Variants in CSMD2 observed in about 807,000 individuals in gnomAD.
CSMD2 encodes CUB and Sushi multiple domains 2, also known as CUB and sushi domain-containing protein 2.
In CSMD2, 130 loss-of-function variants were observed where a neutral mutation model predicts 398.5. That is an observed-to-expected ratio of 0.33 (90% CI 0.28 to 0.38). The LOEUF (loss-of-function observed/expected upper bound fraction) is 0.38, where lower values mean the gene tolerates loss of function less well. Among genes scored for constraint, CSMD2 ranks in the 10% least tolerant of loss-of-function variants. The pLI is 1.00. For synonymous variants in CSMD2, 1,828 were observed against 1,908.5 expected (o/e 0.96, Z 1.10); for missense variants, 3,829 against 4,764.9 (o/e 0.80, Z 5.78).
intron 41 of CSMD2, chr1:33,605,928 T>C (rs200558687): frequency 2.3e-5 from 37 of 1,613,808 alleles, no homozygotes; most frequent in East Asian, 8.9e-5. Flanking sequence ...GTTGGTTCTT[T>C]CCAACTCCGA....
At chr1:33,878,387 C>G (rs993829548) in intron 5 of CSMD2, 1 of 152,298 alleles carries the variant, frequency 6.6e-6, no homozygotes, top group African/African-American at 2.4e-5. Flanking sequence ...ATTCCAGACA[C>G]CCCCGCTGCT....
intron 3 of CSMD2, among the ~76,000 whole-genome samples, chr1:33,983,237 C>T (rs944995398): frequency 8.5e-5 from 13 of 152,116 alleles, no homozygotes; most frequent in African/African-American, 2.7e-4. Context: ...AAAAAATATC[C>T]GATGATTATT....
intron 32 of CSMD2, among the ~76,000 whole-genome samples, chr1:33,630,109 A>C (rs979119066): frequency 5.5e-5 from 8 of 146,004 alleles, no homozygotes; most frequent in African/African-American, 7.7e-5. Context: ...TTCCTTCCTT[A>C]CTTCCTGTTT....
chr1:34,136,239 T>C (rs987868881), intron 1 of CSMD2, among the ~76,000 whole-genome samples: 1 of 152,222 alleles, frequency 6.6e-6, no homozygotes, highest in African/African-American at 2.4e-5. Flanking sequence ...AAATTACTTA[T>C]TTAACTAAGA....
chr1:33,995,719 C>A (rs1367857989), intron 3 of CSMD2, among the ~76,000 whole-genome samples: 1 of 152,188 alleles, frequency 6.6e-6, no homozygotes, highest in Admixed American at 6.5e-5. Context: ...GAGAGTTTAC[C>A]ATATCTCTGC....
intron 5 of CSMD2, among the ~76,000 whole-genome samples, chr1:33,899,754 G>A (rs1039260680): frequency 2.6e-5 from 4 of 152,286 alleles, no homozygotes; most frequent in Admixed American, 6.5e-5. Context: ...TAAAACTAGG[G>A]CAACTGAAGT....
intron 2 of CSMD2, among the ~76,000 whole-genome samples, chr1:34,071,977 C>T (rs554243513): frequency 1.4e-4 from 22 of 152,288 alleles, no homozygotes; most frequent in Admixed American, 6.5e-4. Flanking sequence ...GTCAGGAAAA[C>T]GCAGATGGCC....
intron 60 of CSMD2, among the ~76,000 whole-genome samples, chr1:33,538,648 A>G (rs777602507): frequency 2.0e-5 from 3 of 152,240 alleles, no homozygotes; most frequent in Non-Finnish European, 2.9e-5. Flanking sequence ...TGTATCCAGA[A>G]GGAGGCAACT....
In CSMD2 at chr1:33,617,591, G is replaced by C. The variant is rs754018998; in HGVS notation, c.5854C>G (p.Pro1952Ala). 2 of 1,613,972 alleles carry C rather than the reference G, an allele frequency of 1.2e-6. No homozygotes were observed. The highest frequency in any genetic ancestry group is 1.3e-5 in the African/African-American group (1 of 74,916). Reference sequence around the variant, plus strand: ...TTCACCCCGTTACTGGGCACAGCAGGTTCCGGACAACTGCTCAGGCCCACC... The same window carrying C: ...TTCACCCCGTTACTGGGCACAGCAGCTTCCGGACAACTGCTCAGGCCCACC... ...KTVGLSSCPE[P>A]AVPSNGVKTG... Residue 1952 changes from proline to alanine, a missense_variant, in exon 38 of 71, where the codon CCT becomes GCT. Physicochemically the swap from Pro to Ala is conservative, Grantham distance 27. This residue lies in a region of CSMD2 where 2,001 missense variants were observed against 2,567.1 expected (regional missense o/e 0.78). Coordinates refer to ENST00000373381, the MANE Select transcript of CSMD2 (RefSeq NM_001281956.2).
intron 5 of CSMD2, among the ~76,000 whole-genome samples, chr1:33,892,841 C>G (rs570738748): frequency 2.6e-5 from 4 of 152,336 alleles, no homozygotes; most frequent in African/African-American, 7.2e-5. Context: ...AATAATTTCT[C>G]TTTCCCTCTG....
At chr1:33,932,745 G>A (rs1206300017) in intron 4 of CSMD2, among the ~76,000 whole-genome samples, 2 of 152,200 alleles carry the variant, frequency 1.3e-5, no homozygotes, top group Non-Finnish European at 2.9e-5. Context: ...TCCAGCCCCA[G>A]AGTGTCTTAT....
intron 2 of CSMD2, among the ~76,000 whole-genome samples, chr1:34,049,535 A>C (rs1652937639): frequency 2.0e-5 from 3 of 152,126 alleles, no homozygotes; most frequent in Admixed American, 2.0e-4. Context: ...CCCCAACCCC[A>C]GATGCCATCT....
At chr1:33,524,758 TC>T in intron 66 of CSMD2, 123 bp downstream of exon 66, 1 of 937,884 alleles carries the variant, frequency 1.1e-6, no homozygotes, top group Non-Finnish European at 1.6e-6. Flanking sequence ...CACTTCCTCT[TC>T]CCTGACCACC....
At chr1:33,996,481 T>C (rs1221094993) in intron 3 of CSMD2, among the ~76,000 whole-genome samples, 1 of 152,188 alleles carries the variant, frequency 6.6e-6, no homozygotes, top group African/African-American at 2.4e-5. Context: ...CAGCAAGTCC[T>C]ACTCATCCTG....
intron 29 of CSMD2, among the ~76,000 whole-genome samples, chr1:33,639,620 C>G (rs915681880): frequency 6.6e-6 from 1 of 152,182 alleles, no homozygotes; most frequent in African/African-American, 2.4e-5. Context: ...CCAAGGCTAG[C>G]CCTATTTGGC....
At position 33,617,504 on chromosome 1, in the gene CSMD2, G is replaced by A. The variant is rs367548965; in HGVS notation, c.5941C>T (p.Leu1981Phe). ...TAGGGTGTCAGGGGAGGTACCTGGA[G>A]GGCATATCCCGGCTCACACTGGAAA... ...VSFQCEPGYA[L>F]QGHAHISCMP... is the part of the protein sequence containing the mutation. Residue 1981 changes from leucine (L) to phenylalanine (F), a missense_variant, in exon 38 of 71, where the codon CTC becomes TTC. By Grantham distance (22) the Leu-to-Phe change is conservative. Around this residue, in one of 5 missense-constraint regions of CSMD2, gnomAD observed 2,001 missense variants for 2,567.1 expected, o/e 0.78. Transcript: ENST00000373381. The A allele has an allele frequency of 1.2e-5, 19 of 1,612,354 alleles. No individual in the cohort carries two copies. The highest frequency in any genetic ancestry group is 1.3e-5 in the African/African-American group (1 of 74,860).
At chr1:33,613,239 G>T (rs372679145) in intron 40 of CSMD2, among the ~76,000 whole-genome samples, 1 of 152,184 alleles carries the variant, frequency 6.6e-6, no homozygotes, top group African/African-American at 2.4e-5. Flanking sequence ...GAATTTAGAG[G>T]TGAAAATGGT....
intron 2 of CSMD2, among the ~76,000 whole-genome samples, chr1:34,057,917 T>A (rs957343839): frequency 6.6e-6 from 1 of 152,128 alleles, no homozygotes; most frequent in Non-Finnish European, 1.5e-5. Context: ...AGCTGGGGGT[T>A]GGGGTGAGGA....
chr1:33,918,677 T>C (rs781672979), intron 4 of CSMD2, among the ~76,000 whole-genome samples: 20 of 152,140 alleles, frequency 1.3e-4, no homozygotes, highest in African/African-American at 3.4e-4. Context: ...AAGATAGTAA[T>C]GGCATGTAGG....
Sources: allele counts gnomAD v4.1 joint callset (sites outside exome capture counted in the v4.1 genomes callset), GRCh38; gene constraint gnomAD v4.1.1; regional missense constraint gnomAD v4.1.1; transcripts MANE v1.5; gene names NCBI Gene and HGNC (gene_info 2026-07-23, HGNC 2026-07-21).